Variants in L3MBTL3 observed in about 807,000 individuals in gnomAD.
The protein encoded by L3MBTL3 is L3MBTL histone methyl-lysine binding protein 3, also known as lethal(3)malignant brain tumor-like protein 3.
L3MBTL3 carries 27 observed loss-of-function variants against 102.3 expected under a neutral mutation model. The ratio of observed to expected loss-of-function variants is 0.26; its 90% CI spans 0.19 to 0.36. L3MBTL3 has a LOEUF of 0.36. L3MBTL3 is among the 10% of genes least tolerant of loss of function. The pLI, the probability that L3MBTL3 is intolerant of heterozygous loss-of-function variation, is 1.00. For missense variants in L3MBTL3, 798 were observed against 955.3 expected (o/e 0.84, Z 2.17); for synonymous variants, 340 against 320.9 (o/e 1.06, Z -0.64).
intron 13 of L3MBTL3, among the ~76,000 whole-genome samples, chr6:130,075,937 T>C (rs1043566121): frequency 5.9e-5 from 9 of 152,210 alleles, no homozygotes; most frequent in South Asian, 4.1e-4. Flanking sequence ...ATGAAAGATT[T>C]TAAGCTTGAA....
At chr6:130,081,288 A>G (rs1048329553) in intron 14 of L3MBTL3, among the ~76,000 whole-genome samples, 1 of 152,222 alleles carries the variant, frequency 6.6e-6, no homozygotes, top group Non-Finnish European at 1.5e-5. Flanking sequence ...GCAAAGTCAC[A>G]CACATGCATG....
chr6:130,053,141 T>C (rs1781214039), intron 7 of L3MBTL3, 150 bp downstream of exon 7: 1 of 595,650 alleles, frequency 1.7e-6, no homozygotes, highest in Non-Finnish European at 3.0e-6. Flanking sequence ...GGCCTCTGTG[T>C]GCCTTGCTGT....
chr6:130,109,652 A>G (rs866878882), intron 19 of L3MBTL3, among the ~76,000 whole-genome samples: 15 of 152,124 alleles, frequency 9.9e-5, no homozygotes, highest in Admixed American at 3.3e-4. Context: ...CCCATGCTGT[A>G]GGTTGCCTGC....
At chr6:130,041,228 A>G (rs1347666814) in intron 2 of L3MBTL3, among the ~76,000 whole-genome samples, 2 of 152,168 alleles carry the variant, frequency 1.3e-5, no homozygotes. Context: ...AGCTCCTATA[A>G]ATAGACTTGA....
At chr6:130,084,903 C>T (rs1185988896) in intron 15 of L3MBTL3, among the ~76,000 whole-genome samples, 1 of 152,126 alleles carries the variant, frequency 6.6e-6, no homozygotes, top group African/African-American at 2.4e-5. Flanking sequence ...GATCTCGTCT[C>T]ACTACAATCT....
At chr6:130,068,188 GTTATGAA>G (rs1260161920) in intron 11 of L3MBTL3, 135 bp from the exon 12 acceptor site, 2 of 563,468 alleles carry the variant, frequency 3.5e-6, no homozygotes, top group Non-Finnish European at 6.5e-6. Flanking sequence ...AATATGCATA[GTTATGAA>G]TTATGAGTTA....
Position 130,120,896 on chromosome 6 carries a change from A to G in L3MBTL3, c.1904A>G (p.Asp635Gly), listed in dbSNP as rs1163736355. The change falls in exon 20 of 23, where the codon GAT becomes GGT. Residue 635 changes from aspartate (D) to glycine (G), a missense_variant. This residue lies in a region of L3MBTL3 where 306 missense variants were observed against 314.4 expected (regional missense o/e 0.97). Coordinates refer to ENST00000361794, the MANE Select transcript of L3MBTL3 (RefSeq NM_032438.4). ...SPEIRDQHAD[D>G]VKEDFEERTE... ...TTTCTTAGAGACCAGCATGCTGATG[A>G]TGTCAAAGAAGACTTTGAAGAGAGA... 6.2e-7 allele frequency: 1 copy of G among 1,611,020 alleles called. No individual in the cohort carries two copies. Among genetic ancestry groups the G allele is most frequent in the South Asian group, 1.1e-5 (1 of 90,720 alleles).
chr6:130,075,163 G>A (rs1480593998), intron 13 of L3MBTL3, among the ~76,000 whole-genome samples: 4 of 152,140 alleles, frequency 2.6e-5, no homozygotes, highest in Non-Finnish European at 5.9e-5. Context: ...CTCATGGTCT[G>A]GGGAAGGAGA....
intron 8 of L3MBTL3, among the ~76,000 whole-genome samples, chr6:130,055,499 CCTCT>C (rs1205355113): frequency 9.8e-5 from 12 of 122,674 alleles, no homozygotes; most frequent in Non-Finnish European, 1.8e-4. Context: ...TCTCTCCCTC[CCTCT>C]CTCCCTGCCT....
At chr6:130,089,519 A>G (rs1411044920) in intron 16 of L3MBTL3, among the ~76,000 whole-genome samples, 2 of 152,156 alleles carry the variant, frequency 1.3e-5, no homozygotes, top group African/African-American at 4.8e-5. Flanking sequence ...TAGTGCCGCA[A>G]TAAACATACA....
intron 18 of L3MBTL3, 122 bp from the exon 19 acceptor site, chr6:130,104,304 A>G (rs1784861467): frequency 1.7e-6 from 1 of 578,966 alleles, no homozygotes; most frequent in Non-Finnish European, 2.8e-6. Flanking sequence ...ATATAACAAT[A>G]TAACATATTC....
intron 1 of L3MBTL3, among the ~76,000 whole-genome samples, chr6:130,019,781 C>T (rs777287574): frequency 1.3e-5 from 2 of 150,972 alleles, no homozygotes; most frequent in African/African-American, 2.4e-5. Flanking sequence ...CAAAAATAAA[C>T]CCTCCGGTTT....
At chr6:130,107,886 C>T (rs1169516831) in intron 19 of L3MBTL3, among the ~76,000 whole-genome samples, 1 of 152,140 alleles carries the variant, frequency 6.6e-6, no homozygotes, top group Non-Finnish European at 1.5e-5. Context: ...CATCTAAGCT[C>T]TTAATGTAGC....
At chr6:130,115,188 A>G (rs1425075155) in intron 19 of L3MBTL3, among the ~76,000 whole-genome samples, 1 of 152,182 alleles carries the variant, frequency 6.6e-6, no homozygotes, top group Non-Finnish European at 1.5e-5. Context: ...CAAAGGCCCC[A>G]TGAGACTAGA....
intron 3 of L3MBTL3, among the ~76,000 whole-genome samples, chr6:130,046,181 C>T (rs73614238): frequency 0.035 from 5,258 of 152,080 alleles, 290 homozygotes; most frequent in African/African-American, 0.12. Context: ...AATGCAGATA[C>T]ACTCCTGAGA....
At chr6:130,117,166 C>T (rs1312081591) in intron 19 of L3MBTL3, among the ~76,000 whole-genome samples, 3 of 121,972 alleles carry the variant, frequency 2.5e-5, no homozygotes, top group Non-Finnish European at 3.3e-5. Flanking sequence ...TATTCCCCTT[C>T]CTGTGTCCAT....
intron 18 of L3MBTL3, among the ~76,000 whole-genome samples, chr6:130,102,630 A>G (rs1784762282): frequency 2.0e-5 from 3 of 151,664 alleles, no homozygotes; most frequent in Admixed American, 2.0e-4. Context: ...TCCCCATCAC[A>G]CTCTAGCCAA....
chr6:130,038,045 C>T (rs1004524727), intron 2 of L3MBTL3, among the ~76,000 whole-genome samples: 4 of 151,884 alleles, frequency 2.6e-5, no homozygotes, highest in African/African-American at 9.7e-5. Context: ...TCTGAGCCTA[C>T]CTTCTTTTAC....
chr6:130,070,001 T>C (rs1782520411), intron 12 of L3MBTL3, among the ~76,000 whole-genome samples: 1 of 152,224 alleles, frequency 6.6e-6, no homozygotes, highest in Non-Finnish European at 1.5e-5. Flanking sequence ...ATTTTTGCAA[T>C]GATAGTTGTA....
Sources: allele counts gnomAD v4.1 joint callset (sites outside exome capture counted in the v4.1 genomes callset), GRCh38; gene constraint gnomAD v4.1.1; regional missense constraint gnomAD v4.1.1; transcripts MANE v1.5; gene names NCBI Gene and HGNC (gene_info 2026-07-23, HGNC 2026-07-21).